The following TBC1D14 variants were observed in gnomAD, a reference collection of about 807,000 sequenced individuals.
TBC1D14 encodes TBC1 domain family member 14, also known as TBC1 domain family, member 14.
Under a neutral mutation model 79.0 loss-of-function variants are expected in TBC1D14, and 26 were observed. The observed-to-expected ratio is 0.33, with a 90% CI of 0.24 to 0.46. TBC1D14 has a LOEUF of 0.46. Among genes scored for constraint, TBC1D14 ranks in the 20% least tolerant of loss-of-function variants. The pLI, the probability that TBC1D14 is intolerant of heterozygous loss-of-function variation, is 1.00. For missense variants in TBC1D14, 769 were observed against 887.6 expected (o/e 0.87, Z 1.70); for synonymous variants, 394 against 349.9 (o/e 1.13, Z -1.40).
chr4:6,927,234 G>A (rs554302294), intron 2 of TBC1D14, among the ~76,000 whole-genome samples: 1 of 152,106 alleles, frequency 6.6e-6, no homozygotes. Context: ...TAGTCTGATG[G>A]GGCAGACAGA....
At chr4:6,950,261 T>C (rs1184700901) in intron 2 of TBC1D14, among the ~76,000 whole-genome samples, 2 of 152,228 alleles carry the variant, frequency 1.3e-5, no homozygotes, top group African/African-American at 4.8e-5. Flanking sequence ...TTATGGCTAA[T>C]GCAGTGAGTT....
chr4:6,963,372 A>G (rs1254671701), intron 2 of TBC1D14, among the ~76,000 whole-genome samples: 1 of 152,172 alleles, frequency 6.6e-6, no homozygotes, highest in Non-Finnish European at 1.5e-5. Flanking sequence ...GGACTGCTGG[A>G]CTCCGGAGCA....
intron 1 of TBC1D14, among the ~76,000 whole-genome samples, chr4:6,922,293 C>G (rs781483777): frequency 3.3e-5 from 5 of 152,196 alleles, no homozygotes; most frequent in South Asian, 2.1e-4. Flanking sequence ...TGACTCTACT[C>G]ACTCAAACCT....
At chr4:6,962,789 G>A (rs773885177) in intron 2 of TBC1D14, among the ~76,000 whole-genome samples, 10 of 152,128 alleles carry the variant, frequency 6.6e-5, no homozygotes, top group Non-Finnish European at 1.5e-4. Flanking sequence ...CCTCTGTTGA[G>A]TTCTCAGTCT....
chr4:6,956,634 G>T (rs1264045203), intron 2 of TBC1D14, among the ~76,000 whole-genome samples: 1 of 152,218 alleles, frequency 6.6e-6, no homozygotes, highest in Non-Finnish European at 1.5e-5. Flanking sequence ...GGGGTTGCTT[G>T]CCCGGGGCTG....
chr4:7,003,880 T>G (rs1719917710), intron 7 of TBC1D14, among the ~76,000 whole-genome samples: 1 of 152,048 alleles, frequency 6.6e-6, no homozygotes, highest in Admixed American at 6.5e-5. Flanking sequence ...GGCGTGCACC[T>G]GTAATCCCAC....
At chr4:6,957,341 C>T (rs1020788201) in intron 2 of TBC1D14, among the ~76,000 whole-genome samples, 1 of 152,190 alleles carries the variant, frequency 6.6e-6, no homozygotes, top group Admixed American at 6.5e-5. Context: ...TGGGAGCAGG[C>T]GCTCCATGCC....
At chr4:7,016,367 G>A (rs1200681705) in intron 12 of TBC1D14, among the ~76,000 whole-genome samples, 1 of 152,216 alleles carries the variant, frequency 6.6e-6, no homozygotes, top group Non-Finnish European at 1.5e-5. Context: ...TTTCTTCACA[G>A]CTGTGAACAC....
chr4:6,915,059 A>G (rs1453766484), intron 1 of TBC1D14, among the ~76,000 whole-genome samples: 2 of 152,074 alleles, frequency 1.3e-5, no homozygotes, highest in Non-Finnish European at 1.5e-5. Context: ...CAAAAAGAGA[A>G]AGAGATGCAG....
chr4:6,954,160 T>C (rs1052279858), intron 2 of TBC1D14: 2 of 632,394 alleles, frequency 3.2e-6, no homozygotes, highest in Non-Finnish European at 5.8e-6. Context: ...CTTGCCTTCA[T>C]CTGGCAGACG....
At chr4:6,921,517 A>G (rs1560243364) in intron 1 of TBC1D14, among the ~76,000 whole-genome samples, 1 of 151,706 alleles carries the variant, frequency 6.6e-6, no homozygotes, top group Non-Finnish European at 1.5e-5. Context: ...AGGCCAGAGA[A>G]CTTTATTTTT....
intron 3 of TBC1D14, among the ~76,000 whole-genome samples, chr4:6,979,342 A>C (rs1260678730): frequency 6.6e-6 from 1 of 152,212 alleles, no homozygotes; most frequent in Non-Finnish European, 1.5e-5. Flanking sequence ...GGTTAAAAAA[A>C]TGGGCTGGGT....
chr4:6,914,854 C>T (rs543566705), intron 1 of TBC1D14, among the ~76,000 whole-genome samples: 2 of 152,326 alleles, frequency 1.3e-5, no homozygotes, highest in African/African-American at 2.4e-5. Flanking sequence ...GCCTGGCCAA[C>T]AGGGTGAAAC....
At chr4:7,018,186 G>T (rs1395199373) in intron 12 of TBC1D14, among the ~76,000 whole-genome samples, 2 of 152,326 alleles carry the variant, frequency 1.3e-5, no homozygotes, top group African/African-American at 4.8e-5. Flanking sequence ...AGCTGGGCCT[G>T]CCTCCACATT....
At chr4:6,953,534 G>A (rs75692494) in intron 2 of TBC1D14, among the ~76,000 whole-genome samples, 48 of 145,472 alleles carry the variant, frequency 3.3e-4, no homozygotes, top group Middle Eastern at 3.6e-3. Context: ...GGGAGGCTGA[G>A]GCAGGAGAAT....
At chr4:7,015,498 A>G (rs565965814) in intron 12 of TBC1D14, among the ~76,000 whole-genome samples, 4 of 152,168 alleles carry the variant, frequency 2.6e-5, no homozygotes, top group Non-Finnish European at 4.4e-5. Flanking sequence ...GAGTACAGGC[A>G]TCCTGAGACA....
intron 10 of TBC1D14, 112 bp downstream of exon 10, chr4:7,010,060 G>A (rs1720597903): frequency 1.6e-6 from 2 of 1,241,160 alleles, no homozygotes; most frequent in Admixed American, 1.7e-5. Flanking sequence ...TTTTGCCGAG[G>A]AGTATGAAAA....
intron 7 of TBC1D14, 42 bp downstream of exon 7, chr4:7,001,293 C>A: frequency 6.5e-7 from 1 of 1,530,516 alleles, no homozygotes. Context: ...CCTCCAGGCC[C>A]TTTGGCTTCT....
chr4:6,918,459 C>T (rs1296541600), intron 1 of TBC1D14, among the ~76,000 whole-genome samples: 2 of 152,226 alleles, frequency 1.3e-5, no homozygotes, highest in African/African-American at 2.4e-5. Context: ...TCATTGGGCA[C>T]CTGCTGTGTG....
Sources: gnomAD v4.1 joint callset for allele counts (sites outside exome capture counted in the v4.1 genomes callset) on GRCh38, gnomAD v4.1.1 for gene constraint, MANE v1.5 for transcripts, NCBI Gene and HGNC (gene_info 2026-07-23, HGNC 2026-07-21) for gene names.